Variants in TRMU observed in about 807,000 individuals in gnomAD.
TRMU encodes mitochondrial tRNA-specific 2-thiouridylase 1.
A neutral mutation model predicts 46.9 loss-of-function variants in TRMU; 49 were observed. The ratio of observed to expected loss-of-function variants is 1.05; its 90% CI spans 0.83 to 1.33. TRMU has a LOEUF of 1.33. Among genes scored for constraint, TRMU ranks in the 40% most tolerant of loss-of-function variants. TRMU has a pLI of 0.00. For synonymous variants in TRMU, 241 were observed against 200.9 expected (o/e 1.20, Z -1.69); for missense variants, 572 against 532.4 (o/e 1.07, Z -0.73).
chr22:46,337,826 G>C lies in TRMU; in HGVS notation c.130G>C (p.Glu44Gln). 6.2e-7 allele frequency: 1 copy of C among 1,614,230 alleles called. No homozygotes were observed. Among genetic ancestry groups the C allele is most frequent in the Non-Finnish European group, 8.5e-7 (1 of 1,180,044 alleles). Residue 44 changes from glutamate to glutamine, a missense_variant, in exon 2 of 11, where the codon GAA becomes CAA. Coordinates refer to ENST00000645190, the MANE Select transcript of TRMU (RefSeq NM_018006.5). ...VFMKNWDSLD[E>Q]HGVCTADKDC... ...TATGAAGAACTGGGACTCACTGGAT[G>C]AACATGGGGTCTGTACTGCCGACAA...
At position 46,336,270 on chromosome 22, in the gene TRMU, C is replaced by A; in HGVS notation, c.82+424C>A. On this transcript the variant is annotated intron_variant, in intron 1 of 10. Coordinates refer to ENST00000645190, the MANE Select transcript of TRMU (RefSeq NM_018006.5). This position sits in a 1 kb window ranked among gnomAD's most constrained non-coding sequence, Gnocchi z 4.1. The stretch of plus-strand genomic sequence containing the variant: ...CGCTGTGGCCGCCCGGTGGGAGGTC[C>A]TTGTCCTCCCCACTCAGCAGACTGG... 9.1e-6 allele frequency: 4 copies of A among 439,904 alleles called. No individual in the cohort carries two copies. The highest frequency in any genetic ancestry group is 1.3e-5 in the Non-Finnish European group (4 of 317,642). The allele number at this position is 439,904 out of a possible 1,614,324, so 27.3% of individuals were successfully genotyped here.
chr22:46,342,166 G>A lies in TRMU; in HGVS notation c.249-1096G>A, dbSNP rs956683118. On this transcript the variant is annotated intron_variant, in intron 2 of 10. Transcript: ENST00000645190. This position sits in a 1 kb window ranked among gnomAD's most constrained non-coding sequence, Gnocchi z 4.7. ...ACGGACTCCCCCCACAACAGCAGTCGAAAGTATGGGCCTCTAGAACTTATG... is the reference window on the plus strand; with the variant it reads ...ACGGACTCCCCCCACAACAGCAGTCAAAAGTATGGGCCTCTAGAACTTATG... 1.3e-5 allele frequency among the ~76,000 whole-genome samples: 2 copies of A among 152,228 alleles called. No individual in the cohort carries two copies. The highest frequency in any genetic ancestry group is 1.9e-4 in the East Asian group (1 of 5,196).
Position 46,338,090 on chromosome 22 carries a change from GC to G in TRMU, c.248+148del. On this transcript the variant is annotated intron_variant, in intron 2 of 10. Transcript: ENST00000645190. The surrounding 1 kb of genome is among the most constrained non-coding windows in gnomAD (Gnocchi z 4.5). ...GTGCTGAAGACTGCAAGAGGCCTCA[GC>G]CACCCTCGGGGCTCTGTGTTAGAGG... 1 of 1,109,254 alleles carries G rather than the reference GC, an allele frequency of 9.0e-7. No homozygotes were observed. Among genetic ancestry groups the G allele is most frequent in the Non-Finnish European group, 1.3e-6 (1 of 741,490 alleles). 68.7% of individuals were successfully genotyped at this position (1,109,254 alleles called of 1,614,324 possible).
rs2078353111 is a variant in TRMU at position 46,349,619 on chromosome 22, G to A, written c.479-672G>A. On this transcript the variant is annotated intron_variant, in intron 4 of 10. Transcript: ENST00000645190. This position sits in a 1 kb window ranked among gnomAD's most constrained non-coding sequence, Gnocchi z 4.6. ...TGAACTCGAGAGTGGAGAACTGGAC[G>A]GTTCTAAGCCAGGTTTACTCACACC... 6.6e-6 allele frequency among the ~76,000 whole-genome samples: 1 copy of A among 152,208 alleles called. No homozygotes were observed. Among genetic ancestry groups the A allele is most frequent in the African/African-American group, 2.4e-5 (1 of 41,448 alleles).
rs768765821 is a variant in TRMU, at chr22:46,335,729, C to CG, written c.-34dup. 2.3e-5 allele frequency: 35 copies of CG among 1,540,116 alleles called. 1 individual carries two copies. The South Asian group carries it at 3.8e-4, about 17-fold the overall frequency. On this transcript the variant is annotated 5_prime_UTR_variant, in exon 1 of 11. Coordinates refer to ENST00000645190, the MANE Select transcript of TRMU (RefSeq NM_018006.5). The stretch of plus-strand genomic sequence containing the variant: ...GACTTCCGGCAAGGCGCGGAAGCGG[C>CG]GGTAGCTGCAGCTGGCGAAGTTGGG...
chr22:46,346,015 C>T (rs2078246361), intron 3 of TRMU, among the ~76,000 whole-genome samples: 1 of 152,136 alleles, frequency 6.6e-6, no homozygotes, highest in Admixed American at 6.5e-5. Context: ...CAATCATCTG[C>T]CCGCCTCGGC....
At chr22:46,353,467 C>T (rs916374261) in intron 7 of TRMU, 1 of 377,796 alleles carries the variant, frequency 2.6e-6, no homozygotes, top group South Asian at 2.1e-5. Context: ...GGGCACCCAG[C>T]CGCATCCTGG....
intron 9 of TRMU, 109 bp downstream of exon 9, chr22:46,355,697 G>C: frequency 4.5e-6 from 7 of 1,554,112 alleles, no homozygotes; most frequent in Non-Finnish European, 6.2e-6. Flanking sequence ...CCGTTGTGGA[G>C]ATCATTTGGA....
At position 46,337,892 on chromosome 22, in the gene TRMU, ATCCCTT is replaced by A. The variant is rs1324098252; in HGVS notation, c.200_205del (p.Pro67_Phe68del). On this transcript the variant is annotated inframe_deletion, in exon 2 of 11. Coordinates refer to ENST00000645190, the MANE Select transcript of TRMU (RefSeq NM_018006.5). ...TTACAGAGTTTGCCAGATCTTAGAC[ATCCCTT>A]TCCATCAAGTGTCCTACGTAAAGGA... is the stretch of plus-strand genomic sequence containing the variant. The A allele has an allele frequency of 1.2e-6, 2 of 1,614,118 alleles. No homozygotes were observed. The highest frequency in any genetic ancestry group is 2.7e-5 in the African/African-American group (2 of 74,934).
chr22:46,345,263 G>A (rs950858727), intron 3 of TRMU, among the ~76,000 whole-genome samples: 4 of 152,100 alleles, frequency 2.6e-5, no homozygotes, highest in African/African-American at 9.7e-5. Context: ...TGTAGAGACG[G>A]GGTTTCATCA....
intron 2 of TRMU, among the ~76,000 whole-genome samples, chr22:46,340,434 G>C (rs184573676): frequency 2.8e-4 from 42 of 152,350 alleles, no homozygotes; most frequent in African/African-American, 9.4e-4. Context: ...CAGAACGTAC[G>C]AGTGGATGCG....
At position 46,349,927 on chromosome 22, in the gene TRMU, G is replaced by A. The variant is rs1411215947; in HGVS notation, c.479-364G>A. ...TGACACTATATCAGTGGAATTTTCT[G>A]CCAGCAACTAGCTTACTCCATTTTC... On this transcript the variant is annotated intron_variant, in intron 4 of 10. Coordinates refer to ENST00000645190, the MANE Select transcript of TRMU (RefSeq NM_018006.5). This position sits in a 1 kb window ranked among gnomAD's most constrained non-coding sequence, Gnocchi z 4.6. 6.6e-6 allele frequency among the ~76,000 whole-genome samples: 1 copy of A among 151,692 alleles called. No homozygotes were observed. The highest frequency in any genetic ancestry group is 1.5e-5 in the Non-Finnish European group (1 of 67,994).
Position 46,338,815 on chromosome 22 carries a change from C to T in TRMU, c.248+871C>T, listed in dbSNP as rs1487852451. ...ACTGTGATGAATGTCGGGCAGTTGT[C>T]GAAGGCGTCTGACACAGCAGGCCAT... On this transcript the variant is annotated intron_variant, in intron 2 of 10. Transcript: ENST00000645190. The surrounding 1 kb of genome is among the most constrained non-coding windows in gnomAD (Gnocchi z 4.5). Among the ~76,000 whole-genome samples, 1 of 151,882 alleles carries T rather than the reference C, an allele frequency of 6.6e-6. No individual in the cohort carries two copies. Among genetic ancestry groups the T allele is most frequent in the African/African-American group, 2.4e-5 (1 of 41,294 alleles).
In TRMU at chr22:46,346,333, A is replaced by C. The variant is rs944163611; in HGVS notation, c.356-89A>C. 3 of 1,526,020 alleles carry C rather than the reference A, an allele frequency of 2.0e-6. No homozygotes were observed. In the Admixed American group the frequency reaches 5.7e-5, roughly 29 times the overall value. 94.5% of individuals were successfully genotyped at this position (1,526,020 alleles called of 1,614,324 possible). A position where few individuals can be genotyped will look rare whatever the true frequency, so the allele number is the denominator to read the frequency against. Reference sequence around the variant, plus strand: ...CCCCTCAGCCTAAGACTTGGGGTCTATACTCTTCTTTTGTGCCTTGGTTTA... The same window carrying C: ...CCCCTCAGCCTAAGACTTGGGGTCTCTACTCTTCTTTTGTGCCTTGGTTTA... On this transcript the variant is annotated intron_variant, in intron 3 of 10. Transcript: ENST00000645190.
intron 8 of TRMU, chr22:46,354,365 G>C (rs924450537): frequency 2.2e-5 from 4 of 182,502 alleles, no homozygotes; most frequent in African/African-American, 9.4e-5. Context: ...ACCTTCAGGG[G>C]ACCTTGCCAG....
chr22:46,356,674 TCTC>T, intron 10 of TRMU, 165 bp from the exon 11 acceptor site: 1 of 789,952 alleles, frequency 1.3e-6, no homozygotes, highest in Non-Finnish European at 2.0e-6. Flanking sequence ...GCCCCAGGCC[TCTC>T]CTCTCCTGTT....
rs1330954493 is a variant in TRMU, at chr22:46,338,009, C to T, written c.248+65C>T. On this transcript the variant is annotated intron_variant, in intron 2 of 10. Transcript: ENST00000645190. The surrounding 1 kb of genome is among the most constrained non-coding windows in gnomAD (Gnocchi z 4.5). ...TGTGGATCCTTGCAGTGGAAGGATC[C>T]GGTAACCAGCCAGACCGACGCCTGT... is the stretch of plus-strand genomic sequence containing the variant. 51 of 1,605,482 alleles carry T rather than the reference C, an allele frequency of 3.2e-5. No homozygotes were observed. The highest frequency in any genetic ancestry group is 5.5e-5 in the South Asian group (5 of 90,444).
Position 46,349,218 on chromosome 22 carries a change from C to T in TRMU, c.479-1073C>T, listed in dbSNP as rs1017704616. Among the ~76,000 whole-genome samples, 1 of 152,116 alleles carries T rather than the reference C, an allele frequency of 6.6e-6. No homozygotes were observed. The highest frequency in any genetic ancestry group is 2.4e-5 in the African/African-American group (1 of 41,432). On this transcript the variant is annotated intron_variant, in intron 4 of 10. Coordinates refer to ENST00000645190, the MANE Select transcript of TRMU (RefSeq NM_018006.5). The surrounding 1 kb of genome is among the most constrained non-coding windows in gnomAD (Gnocchi z 4.6). The stretch of plus-strand genomic sequence containing the variant: ...CGGCTGAACTTGGTCTCACTTGTCA[C>T]TCAGTTCTGCTGTTTGTACCTGCCA...
intron 9 of TRMU, 155 bp from the exon 10 acceptor site, chr22:46,355,835 T>G (rs895529847): frequency 9.8e-7 from 1 of 1,017,638 alleles, no homozygotes; most frequent in East Asian, 2.6e-5. Context: ...TGCCCCGCAG[T>G]GTCCTGCTGC....
Sources: allele counts gnomAD v4.1 joint callset (sites outside exome capture counted in the v4.1 genomes callset), GRCh38; gene constraint gnomAD v4.1.1; non-coding constraint Gnocchi (gnomAD v3.1); transcripts MANE v1.5; gene names NCBI Gene and HGNC (gene_info 2026-07-23, HGNC 2026-07-21).